GALNT18: variants seen among roughly 807,000 people sequenced by gnomAD.
GALNT18 encodes the protein polypeptide N-acetylgalactosaminyltransferase 18.
In GALNT18, 44 loss-of-function variants were observed where a neutral mutation model predicts 69.5. That is an observed-to-expected ratio of 0.63 (90% CI 0.50 to 0.81). The LOEUF (loss-of-function observed/expected upper bound fraction) is 0.81, where lower values mean the gene tolerates loss of function less well. Ranked by LOEUF, GALNT18 falls within the 40% of genes least tolerant of loss-of-function variation. GALNT18 has a pLI of 0.00. For missense variants in GALNT18, 715 were observed against 810.0 expected, an observed-to-expected ratio of 0.88 and a Z score of 1.42; for synonymous variants, 364 against 318.2, an observed-to-expected ratio of 1.14 and a Z score of -1.53.
At chr11:11,581,288 C>T (rs1036604004) in intron 1 of GALNT18, among the ~76,000 whole-genome samples, 1 of 152,202 alleles carries the variant, frequency 6.6e-6, no homozygotes, top group African/African-American at 2.4e-5. Context: ...CTCACAGAAT[C>T]ACCAAGGAGC....
intron 10 of GALNT18, among the ~76,000 whole-genome samples, chr11:11,290,722 GCAC>G (rs1426538305): frequency 2.6e-5 from 4 of 152,206 alleles, no homozygotes; most frequent in South Asian, 4.2e-4. Context: ...ACCCCTAGCT[GCAC>G]CACCACCAAC....
chr11:11,274,524 T>G (rs1315006941), intron 10 of GALNT18, among the ~76,000 whole-genome samples: 1 of 152,214 alleles, frequency 6.6e-6, no homozygotes, highest in African/African-American at 2.4e-5. Context: ...CATCCGCCAT[T>G]GCTGTGGCCT....
At chr11:11,374,361 A>G (rs1589949067) in intron 5 of GALNT18, among the ~76,000 whole-genome samples, 1 of 152,376 alleles carries the variant, frequency 6.6e-6, no homozygotes, top group Non-Finnish European at 1.5e-5. Context: ...CCTCTGGGAC[A>G]TAACTGGCAC....
chr11:11,438,954 C>G lies in GALNT18; in HGVS notation c.429-6167G>C, dbSNP rs1855473507. ...TGCTGTGTCTTCTGTTGTGTGGCAT[C>G]TCCATTTGACTCACAATTAACAGGA... On this transcript the variant is annotated intron_variant, in intron 2 of 10. Coordinates refer to ENST00000227756, the MANE Select transcript of GALNT18 (RefSeq NM_198516.3). Among the ~76,000 whole-genome samples the G allele has an allele frequency of 5.3e-5, 8 of 152,250 alleles. No individual in the cohort carries two copies. The South Asian group carries it at 1.7e-3, about 32-fold the overall frequency.
In GALNT18 at chr11:11,383,841, G is replaced by A. The variant is rs200147329; in HGVS notation, c.596-4577C>T. Among the ~76,000 whole-genome samples the A allele has an allele frequency of 2.0e-5, 2 of 99,170 alleles. No homozygotes were observed. The highest frequency in any genetic ancestry group is 4.7e-5 in the Non-Finnish European group (2 of 42,572). 65.1% of individuals were successfully genotyped at this position (99,170 alleles called of 152,430 possible). On this transcript the variant is annotated intron_variant, in intron 3 of 10. Transcript: ENST00000227756. This position sits in a 1 kb window ranked among gnomAD's most constrained non-coding sequence, Gnocchi z 5.2. ...CCTCTCTCTCTCTCTCTCTCTCTCT[G>A]TCTCTCTCTCCCTCTCTCTCCTGCC...
At chr11:11,498,284 A>C (rs374596569) in intron 1 of GALNT18, among the ~76,000 whole-genome samples, 126 of 152,366 alleles carry the variant, frequency 8.3e-4, no homozygotes, top group African/African-American at 2.9e-3. Flanking sequence ...ATTTAATTAG[A>C]TTATGTTAGT....
intron 1 of GALNT18, among the ~76,000 whole-genome samples, chr11:11,522,371 C>A (rs1333440338): frequency 6.6e-6 from 1 of 152,176 alleles, no homozygotes. Context: ...AGGCTAAGAA[C>A]GGGAATGGGG....
At chr11:11,391,840 T>G (rs764403108) in intron 3 of GALNT18, among the ~76,000 whole-genome samples, 7 of 152,224 alleles carry the variant, frequency 4.6e-5, no homozygotes, top group Admixed American at 4.6e-4. Flanking sequence ...GAAGCAGGCA[T>G]CTGGGCAACT....
At chr11:11,369,182 G>T (rs1404904062) in intron 6 of GALNT18, among the ~76,000 whole-genome samples, 1 of 152,098 alleles carries the variant, frequency 6.6e-6, no homozygotes, top group Middle Eastern at 3.2e-3. Context: ...CCCTGTGTAG[G>T]TTTCCCGGGC....
At chr11:11,452,970 G>C (rs1201070810) in intron 1 of GALNT18, among the ~76,000 whole-genome samples, 2 of 152,200 alleles carry the variant, frequency 1.3e-5, no homozygotes, top group Non-Finnish European at 2.9e-5. Context: ...TGCAAAGCCA[G>C]AGAGTGTGAA....
At chr11:11,358,278 A>G (rs1850571697) in intron 6 of GALNT18, among the ~76,000 whole-genome samples, 1 of 140,914 alleles carries the variant, frequency 7.1e-6, no homozygotes, top group African/African-American at 2.6e-5. Context: ...AATATAATAC[A>G]TCTTCACTGT....
intron 3 of GALNT18, among the ~76,000 whole-genome samples, chr11:11,419,619 A>AAAAAAAAAAAG (rs1554932034): frequency 4.7e-5 from 6 of 128,354 alleles, no homozygotes; most frequent in Non-Finnish European, 6.7e-5. Context: ...AAAAAAAAAA[A>AAAAAAAAAAAG]AAAGAAAGAA....
Position 11,372,029 on chromosome 11 carries a change from T to G in GALNT18, c.1092+486A>C, listed in dbSNP as rs1174434964. ...GAAAGCAGCCTGCAGTGAGCCTGGCTGCATCTTGCTGTTTATACACCCTGA... is the reference window on the plus strand; with the variant it reads ...GAAAGCAGCCTGCAGTGAGCCTGGCGGCATCTTGCTGTTTATACACCCTGA... On this transcript the variant is annotated intron_variant, in intron 6 of 10. Transcript: ENST00000227756. This position sits in a 1 kb window ranked among gnomAD's most constrained non-coding sequence, Gnocchi z 4.9. 6.6e-6 allele frequency among the ~76,000 whole-genome samples: 1 copy of G among 152,208 alleles called. No homozygotes were observed. Among genetic ancestry groups the G allele is most frequent in the East Asian group, 1.9e-4 (1 of 5,196 alleles).
At chr11:11,333,624 C>T (rs371812960) in intron 7 of GALNT18, among the ~76,000 whole-genome samples, 10 of 152,274 alleles carry the variant, frequency 6.6e-5, no homozygotes, top group African/African-American at 2.4e-4. Context: ...GCAGGAGAAG[C>T]AGACTCTCTT....
chr11:11,428,184 A>G (rs954347507), intron 3 of GALNT18, among the ~76,000 whole-genome samples: 2 of 152,204 alleles, frequency 1.3e-5, no homozygotes, highest in Admixed American at 6.5e-5. Context: ...CCCCGCGTGG[A>G]GTCTGCACAG....
intron 10 of GALNT18, among the ~76,000 whole-genome samples, chr11:11,274,193 A>AC (rs1848887485): frequency 6.6e-6 from 1 of 152,204 alleles, no homozygotes; most frequent in Non-Finnish European, 1.5e-5. Context: ...CAACTGGCAG[A>AC]CCAGGACCAG....
At position 11,617,636 on chromosome 11, in the gene GALNT18, T is replaced by C. The variant is rs985582977; in HGVS notation, c.235+3723A>G. Among the ~76,000 whole-genome samples the C allele has an allele frequency of 2.6e-5, 4 of 152,256 alleles. No individual in the cohort carries two copies. Among genetic ancestry groups the C allele is most frequent in the Non-Finnish European group, 5.9e-5 (4 of 68,038 alleles). ...CTGATTTTTAGGGTAGAATGAATTA[T>C]GGGCAATTTTATGCATTTTTAAATA... On this transcript the variant is annotated intron_variant, in intron 1 of 10. Coordinates refer to ENST00000227756, the MANE Select transcript of GALNT18 (RefSeq NM_198516.3). This position sits in a 1 kb window ranked among gnomAD's most constrained non-coding sequence, Gnocchi z 4.7.
chr11:11,327,019 G>T (rs1026613977), intron 9 of GALNT18, 67 bp downstream of exon 9: 1 of 1,168,068 alleles, frequency 8.6e-7, no homozygotes, highest in African/African-American at 1.5e-5. Context: ...ACAGAGCCTA[G>T]CTCTCCTTCC....
intron 3 of GALNT18, among the ~76,000 whole-genome samples, chr11:11,403,558 T>A (rs186406822): frequency 1.9e-3 from 283 of 152,320 alleles, no homozygotes; most frequent in Middle Eastern, 3.4e-3. Flanking sequence ...CTCTGAGAGG[T>A]CAGATCACAT....
Sources: allele counts gnomAD v4.1 joint callset (sites outside exome capture counted in the v4.1 genomes callset), GRCh38; gene constraint gnomAD v4.1.1; non-coding constraint Gnocchi (gnomAD v3.1); transcripts MANE v1.5; gene names NCBI Gene and HGNC (gene_info 2026-07-23, HGNC 2026-07-21).